The following DMD variants were observed in gnomAD, a reference collection of about 807,000 sequenced individuals.
DMD encodes dystrophin, also known as mutant dystrophin.
Under a neutral mutation model 330.1 loss-of-function variants are expected in DMD, and 63 were observed. The ratio of observed to expected loss-of-function variants is 0.19; its 90% confidence interval spans 0.16 to 0.24. The LOEUF is 0.24. DMD is among the 10% of genes least tolerant of loss of function. The pLI is 1.00. For missense variants in DMD, 3,344 were observed against 2,684.1 expected (o/e 1.25, Z -5.43); for synonymous variants, 1,223 against 959.8 (o/e 1.27, Z -5.07).
intron 51 of DMD, among the ~76,000 whole-genome samples, chrX:31,734,226 A>ATT (rs756808124): frequency 6.5e-5 from 7 of 108,019 alleles, no homozygotes; most frequent in African/African-American, 2.4e-4. Context: ...ATATATATAT[A>ATT]TTTTTTTTCT....
At chrX:32,565,664 C>T (rs1294741034) in intron 16 of DMD, 38 bp downstream of exon 16, 1 of 1,180,657 alleles carries the variant, frequency 8.5e-7, no homozygotes, top group South Asian at 1.8e-5. Flanking sequence ...TAAAAAATCT[C>T]TGAGATAGTC....
chrX:33,163,552 G>GTATATATATATATATATATATA (rs781153726), intron 1 of DMD, among the ~76,000 whole-genome samples: 38 of 90,981 alleles, frequency 4.2e-4, no homozygotes, highest in African/African-American at 1.5e-3. Flanking sequence ...ATATATGTGT[G>GTATATATATATATATATATATA]TATATATATA....
intron 49 of DMD, among the ~76,000 whole-genome samples, chrX:31,828,663 CAAAAA>C (rs147580367): frequency 4.5e-5 from 3 of 66,140 alleles, no homozygotes; most frequent in Non-Finnish European, 5.7e-5. Flanking sequence ...AACTCCATCT[CAAAAA>C]AAAAAAAAAA....
At chrX:32,674,029 A>C (rs1156783183) in intron 9 of DMD, among the ~76,000 whole-genome samples, 1 of 112,038 alleles carries the variant, frequency 8.9e-6, no homozygotes, top group Non-Finnish European at 1.9e-5. Flanking sequence ...AAGTAGAATA[A>C]TAAAGTAACA....
At chrX:32,992,288 GAAGT>G (rs777684585) in intron 2 of DMD, among the ~76,000 whole-genome samples, 3 of 111,859 alleles carry the variant, frequency 2.7e-5, no homozygotes, top group Non-Finnish European at 5.6e-5. Context: ...CAAACAATGG[GAAGT>G]AAGACAACAC....
chrX:32,470,697 G>T (rs2040536249), intron 22 of DMD, among the ~76,000 whole-genome samples: 1 of 110,404 alleles, frequency 9.1e-6, no homozygotes, highest in African/African-American at 3.3e-5. Context: ...CACAACAAAA[G>T]GAAACAAAAA....
chrX:33,094,779 G>A (rs1274656046), intron 1 of DMD, among the ~76,000 whole-genome samples: 1 of 104,012 alleles, frequency 9.6e-6, no homozygotes, highest in Non-Finnish European at 2.0e-5. Flanking sequence ...TTGCACTCCA[G>A]GCAGGGCGAC....
At chrX:32,192,060 A>G (rs2685893) in intron 44 of DMD, among the ~76,000 whole-genome samples, 29,043 of 111,043 alleles carry the variant, frequency 0.26, 2,882 homozygotes, top group Middle Eastern at 0.38. Context: ...AACATCTCAC[A>G]TAATCCTCAC....
chrX:31,897,169 G>A (rs1218660512), intron 47 of DMD, among the ~76,000 whole-genome samples: 26 of 109,895 alleles, frequency 2.4e-4, no homozygotes, highest in South Asian at 8.0e-4. Context: ...GAGAACATGC[G>A]GTGTTTGGTT....
At chrX:32,560,364 G>A (rs1055571997) in intron 16 of DMD, among the ~76,000 whole-genome samples, 1 of 110,888 alleles carries the variant, frequency 9.0e-6, no homozygotes, top group East Asian at 2.8e-4. Context: ...TGTGATTTCA[G>A]TCAAATGAGG....
At chrX:31,187,949 T>C (rs970301374) in intron 67 of DMD, among the ~76,000 whole-genome samples, 2 of 112,067 alleles carry the variant, frequency 1.8e-5, no homozygotes, top group Non-Finnish European at 3.8e-5. Context: ...CTGTAGCTCA[T>C]ATGGAAGAAT....
intron 60 of DMD, among the ~76,000 whole-genome samples, chrX:31,396,895 T>A (rs1002212931): frequency 2.7e-5 from 3 of 111,536 alleles, no homozygotes; most frequent in African/African-American, 9.8e-5. Flanking sequence ...TTTGAGAGTT[T>A]TGGAGTGAGT....
chrX:31,314,746 G>GAC (rs1556488499), intron 62 of DMD, among the ~76,000 whole-genome samples: 2,133 of 29,722 alleles, frequency 0.072, 101 homozygotes, highest in African/African-American at 0.15. Flanking sequence ...CATACACAGA[G>GAC]AGAGAGAGAG....
At chrX:31,549,576 A>C (rs2074354747) in intron 55 of DMD, among the ~76,000 whole-genome samples, 1 of 112,182 alleles carries the variant, frequency 8.9e-6, no homozygotes, top group Non-Finnish European at 1.9e-5. Flanking sequence ...GCCACAAAAA[A>C]CACAAATAGA....
In DMD at chrX:31,324,897, G is replaced by GT. The variant is rs748368018; in HGVS notation, c.9164-1240dup. Among the ~76,000 whole-genome samples the GT allele has an allele frequency of 3.6e-5, 4 of 112,265 alleles. No homozygotes were observed. The South Asian group carries it at 1.5e-3, about 41-fold the overall frequency. On this transcript the variant is annotated intron_variant, in intron 61 of 78. Coordinates refer to ENST00000357033, the MANE Select transcript of DMD (RefSeq NM_004006.3). ...TCACCCACTGCCAGACAATTTAAGC[G>GT]TAATGAAACTCCAGCTTCTTTGTTT...
intron 11 of DMD, among the ~76,000 whole-genome samples, chrX:32,620,024 C>A (rs2057875766): frequency 9.0e-6 from 1 of 111,680 alleles, no homozygotes; most frequent in Admixed American, 9.5e-5. Context: ...CTCCCATTGG[C>A]TGAAGTACTT....
At chrX:32,358,818 T>C (rs1423566958) in intron 37 of DMD, among the ~76,000 whole-genome samples, 6 of 111,504 alleles carry the variant, frequency 5.4e-5, no homozygotes, top group Admixed American at 1.9e-4. Context: ...GCCATTCAAG[T>C]GTAATATACG....
At chrX:32,890,650 G>A (rs775536104) in intron 2 of DMD, among the ~76,000 whole-genome samples, 12 of 111,093 alleles carry the variant, frequency 1.1e-4, no homozygotes, top group South Asian at 3.8e-4. Context: ...GTAAGAAGGC[G>A]AAACATCCCA....
chrX:31,823,518 T>A (rs1321448145), intron 49 of DMD, among the ~76,000 whole-genome samples: 1 of 111,788 alleles, frequency 8.9e-6, no homozygotes, highest in Non-Finnish European at 1.9e-5. Flanking sequence ...CATGGATGAC[T>A]TTATATATAT....
Sources: gnomAD v4.1 joint callset for allele counts (sites outside exome capture counted in the v4.1 genomes callset) on GRCh38, gnomAD v4.1.1 for gene constraint, MANE v1.5 for transcripts, NCBI Gene and HGNC (gene_info 2026-07-23, HGNC 2026-07-21) for gene names.